Variants in PLEK observed in about 807,000 individuals in gnomAD.
PLEK encodes pleckstrin.
PLEK carries 25 observed loss-of-function variants against 43.9 expected under a neutral mutation model. The ratio of observed to expected loss-of-function variants is 0.57; its 90% confidence interval spans 0.41 to 0.79. The LOEUF is 0.79. PLEK is among the 30% of genes least tolerant of loss of function. The pLI, the probability that PLEK is intolerant of heterozygous loss-of-function variation, is 0.00. For missense variants in PLEK, 396 were observed against 413.3 expected (o/e 0.96, Z 0.36); for synonymous variants, 152 against 144.4 (o/e 1.05, Z -0.38).
intron 1 of PLEK, among the ~76,000 whole-genome samples, chr2:68,373,673 C>T (rs1242730615): frequency 6.6e-6 from 1 of 151,832 alleles, no homozygotes; most frequent in African/African-American, 2.4e-5. Flanking sequence ...GCCAGCTTAT[C>T]GCTACTGATG....
chr2:68,379,528 T>C (rs976471514), intron 1 of PLEK, among the ~76,000 whole-genome samples: 1 of 151,872 alleles, frequency 6.6e-6, no homozygotes, highest in Non-Finnish European at 1.5e-5. Context: ...GAAAGAACTA[T>C]ACTCTAAGAT....
At chr2:68,386,408 A>C (rs1673741916) in intron 4 of PLEK, 94 bp from the exon 5 acceptor site, 2 of 891,860 alleles carry the variant, frequency 2.2e-6, no homozygotes, top group Admixed American at 2.3e-5. Context: ...GACAAGTCAG[A>C]CCTGTGGGTG....
intron 1 of PLEK, among the ~76,000 whole-genome samples, chr2:68,372,133 A>G (rs1201909137): frequency 6.6e-6 from 1 of 151,736 alleles, no homozygotes; most frequent in African/African-American, 2.4e-5. Flanking sequence ...ATGCATTTTC[A>G]TTTGCTTTTC....
rs766678062 is a variant in PLEK, at chr2:68,380,396, G to C, written c.111G>C (p.Lys37Asn). 4 of 1,613,546 alleles carry C rather than the reference G, an allele frequency of 2.5e-6. No individual in the cohort carries two copies. The highest frequency in any genetic ancestry group is 3.4e-6 in the Non-Finnish European group (4 of 1,179,458). Residue 37 changes from lysine (K) to asparagine (N), a missense_variant, in exon 2 of 9, where the codon AAG becomes AAC. Lys to Asn is a moderately conservative substitution (Grantham distance 94). Coordinates refer to ENST00000234313, the MANE Select transcript of PLEK (RefSeq NM_002664.3). ...VLLEDGIEFY[K>N]KKSDNSPKGM... ...TAGAAGATGGAATTGAATTCTATAAGAAGAAAAGTGACAACAGCCCCAAAG... is the reference window on the plus strand; with the variant it reads ...TAGAAGATGGAATTGAATTCTATAACAAGAAAAGTGACAACAGCCCCAAAG...
intron 1 of PLEK, among the ~76,000 whole-genome samples, chr2:68,368,063 C>T (rs976191307): frequency 2.0e-5 from 3 of 152,110 alleles, no homozygotes; most frequent in South Asian, 2.1e-4. Flanking sequence ...AACTGTAAAA[C>T]GTTTCTGCTT....
chr2:68,367,251 C>T (rs1673294265), intron 1 of PLEK, among the ~76,000 whole-genome samples: 1 of 71,922 alleles, frequency 1.4e-5, no homozygotes. Flanking sequence ...CATTAAGATT[C>T]TCTTTTTTTT....
rs1393670579 is a variant in PLEK at position 68,380,369 on chromosome 2, G to A, written c.84G>A (p.Leu28=). ...CGTGGAAACCCATGTGGGTTGTATT[G>A]TTAGAAGATGGAATTGAATTCTATA... The part of the protein sequence containing the change: ...FNTWKPMWVV[L]LEDGIEFYKK... Residue 28 remains leucine (L), a synonymous_variant, in exon 2 of 9, where the codon TTG becomes TTA. Coordinates refer to ENST00000234313, the MANE Select transcript of PLEK (RefSeq NM_002664.3). 6.2e-7 allele frequency: 1 copy of A among 1,613,752 alleles called. No homozygotes were observed. The highest frequency in any genetic ancestry group is 8.5e-7 in the Non-Finnish European group (1 of 1,179,672).
At chr2:68,389,787 C>T (rs573455898) in intron 6 of PLEK, among the ~76,000 whole-genome samples, 7 of 152,062 alleles carry the variant, frequency 4.6e-5, no homozygotes, top group East Asian at 1.9e-4. Flanking sequence ...CGGGAAGGCT[C>T]GGGCAGTTGC....
At chr2:68,375,443 A>G (rs1350391462) in intron 1 of PLEK, among the ~76,000 whole-genome samples, 1 of 152,252 alleles carries the variant, frequency 6.6e-6, no homozygotes, top group East Asian at 1.9e-4. Flanking sequence ...GTTGTAAAAC[A>G]GAAAGGCATT....
chr2:68,378,113 T>C (rs1310914594), intron 1 of PLEK, among the ~76,000 whole-genome samples: 1 of 152,202 alleles, frequency 6.6e-6, no homozygotes, highest in African/African-American at 2.4e-5. Context: ...TATAAGCATA[T>C]GGCATGCATT....
intron 4 of PLEK, among the ~76,000 whole-genome samples, chr2:68,382,884 ATT>A (rs201655958): frequency 6.6e-6 from 1 of 152,050 alleles, no homozygotes; most frequent in South Asian, 2.1e-4. Context: ...CAATCAAAGG[ATT>A]TTTTTTCTCA....
Position 68,366,689 on chromosome 2 carries a change from C to G in PLEK, c.42+1296C>G, listed in dbSNP as rs536796987. 1.6e-4 allele frequency among the ~76,000 whole-genome samples: 25 copies of G among 152,282 alleles called. 1 individual carries two copies. The highest frequency in any genetic ancestry group is 6.0e-4 in the African/African-American group (25 of 41,540). ...TGTAGCCAGCTGTGCTTCGAAACAT[C>G]CTTTGGAAAAGACACACTTATACAT... On this transcript the variant is annotated intron_variant, in intron 1 of 8. Transcript: ENST00000234313.
rs370362976 is a variant in PLEK, at chr2:68,397,143, A to T, written c.*1327A>T. 8 of 152,212 alleles carry T rather than the reference A, an allele frequency of 5.3e-5. No homozygotes were observed. In the East Asian group the frequency reaches 1.3e-3, roughly 26 times the overall value. 9.4% of individuals were successfully genotyped at this position (152,212 alleles called of 1,614,324 possible). On this transcript the variant is annotated 3_prime_UTR_variant, in exon 9 of 9. Coordinates refer to ENST00000234313, the MANE Select transcript of PLEK (RefSeq NM_002664.3). The stretch of plus-strand genomic sequence containing the variant: ...ACCCATTGAAGCAGATATGTGTGTG[A>T]AAGTATATTTTTCAATTCCAGATTT...
chr2:68,375,491 T>C (rs1180005970), intron 1 of PLEK, among the ~76,000 whole-genome samples: 1 of 152,252 alleles, frequency 6.6e-6, no homozygotes, highest in Non-Finnish European at 1.5e-5. Context: ...CAGTGTCTGA[T>C]CTTGCTCATT....
chr2:68,397,229 C>G lies in PLEK; in HGVS notation c.*1413C>G, dbSNP rs921991017. On this transcript the variant is annotated 3_prime_UTR_variant, in exon 9 of 9. Transcript: ENST00000234313. ...AACATTTTTCCTCATTTTATCAAAT[C>G]CTCTCTTGCCCTCCCTCAATTCCCC... The G allele has an allele frequency of 6.6e-6, 1 of 152,116 alleles. No individual in the cohort carries two copies. The highest frequency in any genetic ancestry group is 2.4e-5 in the African/African-American group (1 of 41,402). 9.4% of individuals were successfully genotyped at this position (152,116 alleles called of 1,614,324 possible).
chr2:68,395,685 A>C lies in PLEK; in HGVS notation c.922A>C (p.Lys308Gln), dbSNP rs770831257. Residue 308 changes from lysine (K) to glutamine (Q), a missense_variant, in exon 9 of 9, where the codon AAG (lysine) becomes CAG (glutamine). Physicochemically the swap from Lys to Gln is moderately conservative, Grantham distance 53 (BLOSUM62 1). Coordinates refer to ENST00000234313, the MANE Select transcript of PLEK (RefSeq NM_002664.3). ...TSVESNSNGR[K>Q]SEEENLFEII... The stretch of plus-strand genomic sequence containing the variant: ...TTTGCCTTCTCTTTCCCCAGGCAGG[A>C]AGAGTGAGGAAGAGAACCTTTTTGA... The C allele has an allele frequency of 6.2e-7, 1 of 1,613,870 alleles. No individual in the cohort carries two copies. Among genetic ancestry groups the C allele is most frequent in the Admixed American group, 1.7e-5 (1 of 59,982 alleles).
chr2:68,371,848 T>C lies in PLEK; in HGVS notation c.42+6455T>C, dbSNP rs904014379. Among the ~76,000 whole-genome samples, 186 of 152,292 alleles carry C rather than the reference T, an allele frequency of 1.2e-3. 1 individual carries two copies. The highest frequency in any genetic ancestry group is 4.4e-3 in the African/African-American group (181 of 41,550). ...TTGCTGACTCATAGAGCTCCTTTTT[T>C]CCCACATGCTCATTTCCCACACCTT... On this transcript the variant is annotated intron_variant, in intron 1 of 8. Coordinates refer to ENST00000234313, the MANE Select transcript of PLEK (RefSeq NM_002664.3).
At position 68,380,435 on chromosome 2, in the gene PLEK, G is replaced by A. The variant is rs779806754; in HGVS notation, c.150G>A (p.Leu50=). 18 of 1,613,896 alleles carry A rather than the reference G, an allele frequency of 1.1e-5. No homozygotes were observed. The highest frequency in any genetic ancestry group is 1.7e-6 in the Non-Finnish European group (2 of 1,179,886). The part of the protein sequence containing the change: ...SDNSPKGMIP[L]KGSTLTSPCQ... ...ACAGCCCCAAAGGAATGATCCCGCT[G>A]AAAGGGAGCACTCTGACTAGCCCTT... is the stretch of plus-strand genomic sequence containing the variant. Residue 50 remains leucine, a synonymous_variant, in exon 2 of 9, where the codon CTG becomes CTA. Transcript: ENST00000234313.
chr2:68,372,754 A>G (rs1379933234), intron 1 of PLEK, among the ~76,000 whole-genome samples: 2 of 152,078 alleles, frequency 1.3e-5, no homozygotes, highest in African/African-American at 4.8e-5. Context: ...GTGTGTGTGT[A>G]TATATATCTC....
Sources: gnomAD v4.1 joint callset for allele counts (sites outside exome capture counted in the v4.1 genomes callset) on GRCh38, gnomAD v4.1.1 for gene constraint, MANE v1.5 for transcripts, NCBI Gene and HGNC (gene_info 2026-07-23, HGNC 2026-07-21) for gene names.